The following PCDHA8 variants were observed in gnomAD, a reference collection of about 807,000 sequenced individuals.
PCDHA8 encodes protocadherin alpha 8, also known as protocadherin alpha-8.
Under a neutral mutation model 61.8 loss-of-function variants are expected in PCDHA8, and 53 were observed. The observed-to-expected ratio is 0.86, with a 90% CI of 0.69 to 1.08. The LOEUF (loss-of-function observed/expected upper bound fraction) is 1.08, where lower values mean the gene tolerates loss of function less well. Among genes scored for constraint, PCDHA8 ranks in the 50% least tolerant of loss-of-function variants. The probability of loss-of-function intolerance (pLI) is 0.00; values close to 1 mark genes in which losing one functional copy is unlikely to be tolerated. For synonymous variants in PCDHA8, 618 were observed against 556.6 expected (o/e 1.11, Z -1.55); for missense variants, 1,293 against 1,245.0 (o/e 1.04, Z -0.58).
intron 3 of PCDHA8, 32 bp from the exon 4 acceptor site, chr5:141,009,595 C>T (rs781807814): frequency 6.2e-7 from 1 of 1,604,124 alleles, no homozygotes; most frequent in Admixed American, 1.7e-5. Context: ...TGTGTTGACC[C>T]TGTTAATGAT....
chr5:140,850,840 C>A (rs2150500104), intron 1 of PCDHA8: 2 of 1,597,492 alleles, frequency 1.3e-6, no homozygotes, highest in Non-Finnish European at 1.7e-6. Context: ...TGTGCTGGAT[C>A]TACAGAGCGA....
chr5:140,896,718 T>C (rs1331880145), intron 1 of PCDHA8, among the ~76,000 whole-genome samples: 1 of 152,138 alleles, frequency 6.6e-6, no homozygotes, highest in East Asian at 1.9e-4. Context: ...TTTTGCTTGT[T>C]AATTTGTTTA....
intron 1 of PCDHA8, chr5:140,876,999 G>C: frequency 6.2e-7 from 1 of 1,612,546 alleles, no homozygotes; most frequent in Non-Finnish European, 8.5e-7. Flanking sequence ...GCTACGTGTC[G>C]GTGCACGCGG....
chr5:140,850,365 G>T (rs2150481125), intron 1 of PCDHA8: 4 of 1,597,962 alleles, frequency 2.5e-6, no homozygotes, highest in Middle Eastern at 1.7e-4. Flanking sequence ...CCCGTTCCGC[G>T]TGGGGCTGTA....
intron 2 of PCDHA8, among the ~76,000 whole-genome samples, chr5:140,981,637 C>A (rs1229068909): frequency 6.6e-6 from 1 of 152,150 alleles, no homozygotes; most frequent in Non-Finnish European, 1.5e-5. Context: ...TGGACATTTT[C>A]TCTTAGGATC....
chr5:140,991,075 G>A (rs2097430816), intron 3 of PCDHA8, among the ~76,000 whole-genome samples: 1 of 152,134 alleles, frequency 6.6e-6, no homozygotes, highest in Non-Finnish European at 1.5e-5. Flanking sequence ...CCATGTTTCA[G>A]ATAAAAAAAT....
At chr5:140,881,377 G>A (rs557722479) in intron 1 of PCDHA8, 222 of 984,702 alleles carry the variant, frequency 2.3e-4, no homozygotes, top group Non-Finnish European at 2.4e-4. Flanking sequence ...AATTGCAGCC[G>A]GCGGCGGTAA....
chr5:140,869,106 G>A (rs1300691956), intron 1 of PCDHA8: 1 of 1,602,672 alleles, frequency 6.2e-7, no homozygotes, highest in Non-Finnish European at 8.5e-7. Flanking sequence ...CGTATGCGAT[G>A]TTTGGTTTTC....
At chr5:140,900,422 C>G (rs1422913254) in intron 1 of PCDHA8, among the ~76,000 whole-genome samples, 1 of 152,142 alleles carries the variant, frequency 6.6e-6, no homozygotes, top group East Asian at 1.9e-4. Context: ...GGATTATAGG[C>G]ACGTGCCACC....
rs141394050 is a variant in PCDHA8 at position 140,948,629 on chromosome 5, T to C, written c.2395-30320T>C. 8.2e-3 allele frequency among the ~76,000 whole-genome samples: 1,244 copies of C among 151,828 alleles called. 11 individuals are homozygous for C. Among genetic ancestry groups the C allele is most frequent in the Non-Finnish European group, 0.013 (908 of 67,578 alleles). On this transcript the variant is annotated intron_variant, in intron 1 of 3. Transcript: ENST00000531613. ...TTTTGGCACAAAGTTGTTAATAATA[T>C]TCTCTCATCTTTTAACGTCTGTATA...
At chr5:140,967,758 A>G (rs781815948) in intron 1 of PCDHA8, 8 of 1,614,162 alleles carry the variant, frequency 5.0e-6, no homozygotes, top group Non-Finnish European at 5.9e-6. Context: ...GCCTCCTCCT[A>G]CCAGATCTAT....
chr5:140,884,120 G>C, intron 1 of PCDHA8: 2 of 1,613,324 alleles, frequency 1.2e-6, no homozygotes, highest in South Asian at 2.2e-5. Flanking sequence ...GGCGGTCGGC[G>C]CGCGCATCCC....
intron 1 of PCDHA8, chr5:140,883,657 C>A (rs782568456): frequency 1.2e-6 from 2 of 1,613,470 alleles, no homozygotes; most frequent in East Asian, 4.5e-5. Context: ...ACACGGTGTT[C>A]GTGAAGGAAA....
chr5:140,969,331 G>A, intron 1 of PCDHA8: 1 of 1,614,042 alleles, frequency 6.2e-7, no homozygotes, highest in Non-Finnish European at 8.5e-7. Context: ...CTCAAAATGA[G>A]GTGAGACAGT....
intron 3 of PCDHA8, among the ~76,000 whole-genome samples, chr5:141,001,477 A>T (rs2098020508): frequency 6.6e-6 from 1 of 152,176 alleles, no homozygotes; most frequent in South Asian, 2.1e-4. Flanking sequence ...AGCAGCGGGG[A>T]AGTGCTGGAA....
chr5:140,927,970 G>A (rs1554205315), intron 1 of PCDHA8: 1 of 1,614,216 alleles, frequency 6.2e-7, no homozygotes, highest in East Asian at 2.2e-5. Context: ...CACAGTGATT[G>A]CTCTCTTTAG....
chr5:140,872,973 T>C (rs1562677174), intron 1 of PCDHA8, among the ~76,000 whole-genome samples: 1 of 152,212 alleles, frequency 6.6e-6, no homozygotes, highest in African/African-American at 2.4e-5. Flanking sequence ...ATCTGAAGAT[T>C]TGAGCAAAGA....
chr5:140,986,587 C>G (rs1194407522), intron 3 of PCDHA8, among the ~76,000 whole-genome samples: 1 of 152,208 alleles, frequency 6.6e-6, no homozygotes, highest in East Asian at 1.9e-4. Flanking sequence ...TCCAGCTCCT[C>G]TTTCTACATT....
Position 141,009,873 on chromosome 5 carries a change from A to C in PCDHA8, c.2789A>C (p.Lys930Thr), listed in dbSNP as rs782413551. The C allele has an allele frequency of 1.2e-6, 2 of 1,613,916 alleles. No homozygotes were observed. The highest frequency in any genetic ancestry group is 2.7e-5 in the African/African-American group (2 of 74,862). The change falls in exon 4 of 4, where the codon AAG (lysine) becomes ACG (threonine). Residue 930 changes from lysine to threonine, a missense_variant. Lys to Thr is a moderately conservative substitution (Grantham distance 78). Transcript: ENST00000531613. ...ACCAAGAAAAAGAAGAAAAAGAAGA[A>C]GGGTAACAAGACCCAGGAGAAAAAA... ...EETKKKKKKK[K>T]GNKTQEKKEK...
Sources: allele counts gnomAD v4.1 joint callset (sites outside exome capture counted in the v4.1 genomes callset), GRCh38; gene constraint gnomAD v4.1.1; transcripts MANE v1.5; gene names NCBI Gene and HGNC (gene_info 2026-07-23, HGNC 2026-07-21).